Variants in ATG7 observed in about 807,000 individuals in gnomAD.
The protein encoded by ATG7 is ubiquitin-like modifier-activating enzyme ATG7.
Under a neutral mutation model 82.4 loss-of-function variants are expected in ATG7, and 70 were observed. The observed-to-expected ratio is 0.85, with a 90% confidence interval of 0.70 to 1.04. The LOEUF is 1.04. ATG7 is among the 50% of genes least tolerant of loss of function. The probability of loss-of-function intolerance (pLI) is 0.00; values close to 1 mark genes in which losing one functional copy is unlikely to be tolerated. For synonymous variants in ATG7, 287 were observed against 313.0 expected (o/e 0.92, Z 0.88); for missense variants, 792 against 864.3 (o/e 0.92, Z 1.05).
chr3:11,395,916 G>A (rs1217290457), intron 19 of ATG7, among the ~76,000 whole-genome samples: 1 of 133,736 alleles, frequency 7.5e-6, no homozygotes, highest in East Asian at 2.5e-4. Context: ...CTCCAGCCTG[G>A]GCGACAGAGC....
intron 19 of ATG7, among the ~76,000 whole-genome samples, chr3:11,412,244 G>A (rs1188028163): frequency 6.7e-6 from 1 of 149,426 alleles, no homozygotes; most frequent in African/African-American, 2.5e-5. Context: ...GATCTGATGA[G>A]TTCCAGTTAT....
the ATG7 span, among the ~76,000 whole-genome samples, chr3:11,574,632 A>G: frequency 6.6e-6 from 1 of 152,202 alleles, no homozygotes; most frequent in Non-Finnish European, 1.5e-5. Flanking sequence ...CACAGTTTCA[A>G]ACAACATCCA....
At chr3:11,489,054 G>A (rs1415212143) in intron 20 of ATG7, among the ~76,000 whole-genome samples, 1 of 148,694 alleles carries the variant, frequency 6.7e-6, no homozygotes, top group African/African-American at 2.6e-5. Context: ...TGGTTGGTAA[G>A]CTATTGATTA....
rs576289602 is a variant in ATG7, at chr3:11,456,469, G to A, written c.2079+29543G>A. Among the ~76,000 whole-genome samples the A allele has an allele frequency of 3.3e-4, 51 of 152,308 alleles. 1 individual carries two copies. In the South Asian group the frequency reaches 0.011, roughly 32 times the overall value. On this transcript the variant is annotated intron_variant, in intron 20 of 20. Coordinates refer to ENST00000693202, the MANE Select transcript of ATG7 (RefSeq NM_001349232.2). ...ATTCGTGTACAAGTTGTTGTATGAA[G>A]TACACGTTTTTGTTGTTTTGGGTAT...
At chr3:11,546,162 A>ATTTTTTTTT (rs36042370) in intron 20 of ATG7, among the ~76,000 whole-genome samples, 1 of 68,892 alleles carries the variant, frequency 1.5e-5, no homozygotes, top group Admixed American at 2.4e-4. Flanking sequence ...CCAAAACTGG[A>ATTTTTTTTT]TTTTTTTTTT....
At chr3:11,567,295 G>A in the ATG7 span, among the ~76,000 whole-genome samples, 19 of 152,276 alleles carry the variant, frequency 1.2e-4, no homozygotes, top group Non-Finnish European at 2.2e-4. Flanking sequence ...CCCTCAGTGA[G>A]CGCCAAGAGA....
chr3:11,308,882 A>C, intron 6 of ATG7, 102 bp from the exon 7 acceptor site: 1 of 1,072,868 alleles, frequency 9.3e-7, no homozygotes, highest in Non-Finnish European at 1.4e-6. Context: ...CTGGGCCTGT[A>C]GGAAAGAAGA....
chr3:11,428,053 T>A (rs1285774809), intron 20 of ATG7, among the ~76,000 whole-genome samples: 1 of 152,234 alleles, frequency 6.6e-6, no homozygotes, highest in Non-Finnish European at 1.5e-5. Context: ...TGACTTCCTG[T>A]GTCCTGCAGG....
Position 11,469,988 on chromosome 3 carries a change from C to CAAAAAAAAAAAAA in ATG7, c.2079+43071_2079+43083dup, listed in dbSNP as rs10628540. On this transcript the variant is annotated intron_variant, in intron 20 of 20. Coordinates refer to ENST00000693202, the MANE Select transcript of ATG7 (RefSeq NM_001349232.2). Reference sequence around the variant, plus strand: ...TGGGTGACGGAACGAGACTCCATCTCAAAAAAAAAAAAAAAAAAAAAGAGA... The same window carrying CAAAAAAAAAAAAA: ...TGGGTGACGGAACGAGACTCCATCTCAAAAAAAAAAAAAAAAAAAAAAAAAAAAAAAAAAGAGA... 1.5e-3 allele frequency among the ~76,000 whole-genome samples: 133 copies of CAAAAAAAAAAAAA among 87,520 alleles called. 8 individuals carry two copies. Among genetic ancestry groups the CAAAAAAAAAAAAA allele is most frequent in the African/African-American group, 5.9e-3 (124 of 20,902 alleles). The allele number at this position is 87,520 out of a possible 152,430, so 57.4% of individuals were successfully genotyped here.
downstream of ATG7, chr3:11,558,492 T>TACTG: frequency 7.1e-7 from 1 of 1,414,668 alleles, no homozygotes; most frequent in Non-Finnish European, 9.5e-7. Context: ...TTTTTTTAAG[T>TACTG]ACTGACTGTT....
At chr3:11,514,584 A>G (rs1008094097) in intron 20 of ATG7, among the ~76,000 whole-genome samples, 2 of 152,348 alleles carry the variant, frequency 1.3e-5, no homozygotes, top group Admixed American at 6.5e-5. Flanking sequence ...AGCCAGCTCT[A>G]TGGTGATTCT....
At chr3:11,296,068 G>A (rs1945861653) in intron 3 of ATG7, among the ~76,000 whole-genome samples, 1 of 152,134 alleles carries the variant, frequency 6.6e-6, no homozygotes, top group South Asian at 2.1e-4. Flanking sequence ...ATGAGCCACC[G>A]CGCCTGGCCT....
At chr3:11,294,764 G>A (rs544619168) in intron 3 of ATG7, among the ~76,000 whole-genome samples, 7 of 152,140 alleles carry the variant, frequency 4.6e-5, no homozygotes, top group South Asian at 2.1e-4. Context: ...TTCTCTTATC[G>A]AATCTTCTTT....
intron 7 of ATG7, among the ~76,000 whole-genome samples, chr3:11,309,595 G>A (rs1014719561): frequency 2.6e-5 from 4 of 152,056 alleles, no homozygotes; most frequent in African/African-American, 9.7e-5. Flanking sequence ...GGATGTAGAT[G>A]GAAGGACCTG....
At chr3:11,317,364 T>C (rs1949564329) in intron 9 of ATG7, among the ~76,000 whole-genome samples, 1 of 152,148 alleles carries the variant, frequency 6.6e-6, no homozygotes, top group Non-Finnish European at 1.5e-5. Flanking sequence ...TAAGTGGTCC[T>C]CCCCAAAGTG....
intron 1 of ATG7, among the ~76,000 whole-genome samples, chr3:11,276,104 C>CAGCT (rs543045804): frequency 1.4e-3 from 216 of 152,294 alleles, no homozygotes; most frequent in Non-Finnish European, 1.9e-3. Flanking sequence ...TATCCTCAGG[C>CAGCT]AGCTCTCTTG....
At chr3:11,501,193 G>A (rs2153062086) in intron 20 of ATG7, among the ~76,000 whole-genome samples, 1 of 152,340 alleles carries the variant, frequency 6.6e-6, no homozygotes, top group South Asian at 2.1e-4. Flanking sequence ...AGTTGAGGCT[G>A]CAGTGAGCCA....
intron 4 of ATG7, 89 bp downstream of exon 4, chr3:11,298,944 G>A: frequency 7.0e-7 from 1 of 1,430,988 alleles, no homozygotes; most frequent in East Asian, 2.3e-5. Flanking sequence ...GAAAGAGACA[G>A]CCTTGTCTTT....
chr3:11,417,800 A>ATTATTTTTTTTTTTTTTTTTTT lies in ATG7; in HGVS notation c.1957-9002_1957-9001insATTTTTTTTTTTTTTTTTTTTT, dbSNP rs1553652380. The stretch of plus-strand genomic sequence containing the variant: ...CATTTAAAAAATTATTATTATTATT[A>ATTATTTTTTTTTTTTTTTTTTT]TTTTATTTTATTTTATTTTTTTTTT... On this transcript the variant is annotated intron_variant, in intron 19 of 20. Coordinates refer to ENST00000693202, the MANE Select transcript of ATG7 (RefSeq NM_001349232.2). Among the ~76,000 whole-genome samples, 85 of 109,302 alleles carry ATTATTTTTTTTTTTTTTTTTTT rather than the reference A, an allele frequency of 7.8e-4. 2 individuals are homozygous for ATTATTTTTTTTTTTTTTTTTTT. The highest frequency in any genetic ancestry group is 1.1e-3 in the Non-Finnish European group (58 of 53,090). 71.7% of individuals were successfully genotyped at this position (109,302 alleles called of 152,430 possible). A position where few individuals can be genotyped will look rare whatever the true frequency, so the allele number is the denominator to read the frequency against.
Sources: allele counts gnomAD v4.1 joint callset (sites outside exome capture counted in the v4.1 genomes callset), GRCh38; gene constraint gnomAD v4.1.1; transcripts MANE v1.5; gene names NCBI Gene and HGNC (gene_info 2026-07-23, HGNC 2026-07-21).